The following LARP4B variants were observed in gnomAD, a reference collection of about 807,000 sequenced individuals.
LARP4B encodes the protein la-related protein 4B.
In LARP4B, 12 loss-of-function variants were observed where a neutral mutation model predicts 89.8. That is an observed-to-expected ratio of 0.13 (90% CI 0.09 to 0.22). LARP4B has a LOEUF of 0.22. LARP4B is among the 10% of genes least tolerant of loss of function. The probability of loss-of-function intolerance (pLI) is 1.00; values close to 1 mark genes in which losing one functional copy is unlikely to be tolerated. For synonymous variants in LARP4B, 367 were observed against 363.3 expected (o/e 1.01, Z -0.12); for missense variants, 757 against 947.7 (o/e 0.80, Z 2.64).
At chr10:863,208 C>T (rs563647595) in intron 5 of LARP4B, among the ~76,000 whole-genome samples, 2 of 151,508 alleles carry the variant, frequency 1.3e-5, no homozygotes, top group Non-Finnish European at 2.9e-5. Context: ...TGACACTTCG[C>T]ACTACTAAAT....
chr10:869,942 ATAATAATAAATT>A, intron 3 of LARP4B: 3 of 193,560 alleles, frequency 1.5e-5, no homozygotes, highest in Non-Finnish European at 2.7e-5. Context: ...AATAATAATA[ATAATAATAAATT>A]AAAATGTATA....
intron 17 of LARP4B, among the ~76,000 whole-genome samples, chr10:813,474 C>T (rs925401211): frequency 1.3e-5 from 2 of 152,352 alleles, no homozygotes; most frequent in African/African-American, 4.8e-5. Context: ...ACCATCCCTA[C>T]CCAGCCCTAT....
At chr10:826,898 TA>T (rs1182660075) in intron 11 of LARP4B, among the ~76,000 whole-genome samples, 1 of 152,226 alleles carries the variant, frequency 6.6e-6, no homozygotes, top group Admixed American at 6.5e-5. Flanking sequence ...AGGACTAAAA[TA>T]AAATCATACA....
intron 9 of LARP4B, among the ~76,000 whole-genome samples, 157 bp downstream of exon 9, chr10:830,706 ACACT>A (rs1409322542): frequency 6.6e-6 from 1 of 152,254 alleles, no homozygotes; most frequent in African/African-American, 2.4e-5. Context: ...CCATACAAAT[ACACT>A]CAAATATTTA....
At chr10:817,643 T>C (rs1408191530) in intron 15 of LARP4B, 82 bp downstream of exon 15, 6 of 1,336,218 alleles carry the variant, frequency 4.5e-6, no homozygotes, top group Non-Finnish European at 6.3e-6. Flanking sequence ...CAAACATGTA[T>C]AAAGAGCTCA....
intron 1 of LARP4B, among the ~76,000 whole-genome samples, chr10:926,990 T>C (rs1375171453): frequency 6.6e-6 from 1 of 150,654 alleles, no homozygotes; most frequent in Admixed American, 6.6e-5. Context: ...CAGTGAGCCG[T>C]GATCGTGCCA....
intron 1 of LARP4B, among the ~76,000 whole-genome samples, chr10:888,802 T>TA (rs1485876099): frequency 6.6e-6 from 1 of 152,174 alleles, no homozygotes; most frequent in Non-Finnish European, 1.5e-5. Context: ...GTAAGAATAT[T>TA]ACGGCAGGGC....
chr10:838,909 A>G (rs1833372493), intron 7 of LARP4B, among the ~76,000 whole-genome samples: 1 of 152,250 alleles, frequency 6.6e-6, no homozygotes, highest in South Asian at 2.1e-4. Context: ...GGACATCCAG[A>G]CAATGAACTA....
intron 5 of LARP4B, among the ~76,000 whole-genome samples, chr10:849,644 A>G (rs1157693620): frequency 6.6e-6 from 1 of 152,240 alleles, no homozygotes; most frequent in Non-Finnish European, 1.5e-5. Flanking sequence ...ACTTCCTTCC[A>G]AACAGTACAA....
At chr10:905,740 G>A (rs1398410337) in intron 1 of LARP4B, among the ~76,000 whole-genome samples, 1 of 151,712 alleles carries the variant, frequency 6.6e-6, no homozygotes, top group African/African-American at 2.4e-5. Context: ...GAATCAGCAG[G>A]ACTGGACGTC....
At chr10:914,719 G>A (rs532458943) in intron 1 of LARP4B, among the ~76,000 whole-genome samples, 40 of 148,216 alleles carry the variant, frequency 2.7e-4, no homozygotes, top group Non-Finnish European at 4.8e-4. Flanking sequence ...TGCTTGAACC[G>A]AGACCCGGGA....
intron 4 of LARP4B, 113 bp downstream of exon 4, chr10:864,010 C>CACATACCAT (rs1834762640): frequency 6.4e-7 from 1 of 1,555,038 alleles, no homozygotes; most frequent in Non-Finnish European, 8.7e-7. Context: ...CAAGCACTGC[C>CACATACCAT]ACATACCATG....
intron 1 of LARP4B, among the ~76,000 whole-genome samples, chr10:920,138 C>G (rs551681199): frequency 8.5e-5 from 13 of 152,310 alleles, no homozygotes; most frequent in African/African-American, 3.1e-4. Context: ...TATACCACAG[C>G]GGAGGGTGCG....
intron 8 of LARP4B, among the ~76,000 whole-genome samples, chr10:834,949 A>G (rs992294421): frequency 6.6e-6 from 1 of 151,870 alleles, no homozygotes; most frequent in African/African-American, 2.4e-5. Context: ...CTGAGGCAGG[A>G]GAAGCACTCG....
intron 1 of LARP4B, among the ~76,000 whole-genome samples, chr10:910,893 G>C (rs143471929): frequency 5.6e-4 from 86 of 152,290 alleles, no homozygotes; most frequent in Non-Finnish European, 1.1e-3. Flanking sequence ...GTGAGGGTCT[G>C]GTCCCCCGTA....
At chr10:869,362 G>A (rs71491324) in intron 3 of LARP4B, among the ~76,000 whole-genome samples, 1 of 152,136 alleles carries the variant, frequency 6.6e-6, no homozygotes, top group African/African-American at 2.4e-5. Context: ...CTGCGGCCAG[G>A]AAGACAGAAG....
chr10:812,302 T>C lies in LARP4B; in HGVS notation c.*624A>G, dbSNP rs1363004741. The C allele has an allele frequency of 1.3e-5, 2 of 152,808 alleles. No homozygotes were observed. The highest frequency in any genetic ancestry group is 2.9e-5 in the Non-Finnish European group (2 of 68,042). 9.5% of individuals were successfully genotyped at this position (152,808 alleles called of 1,614,324 possible). ...TGCAGTGCATCAGAACCAAGGTTTC[T>C]GGGGTGGCCCCTGCAGGTTCACTCC... On this transcript the variant is annotated 3_prime_UTR_variant, in exon 18 of 18. Coordinates refer to ENST00000316157, the MANE Select transcript of LARP4B (RefSeq NM_015155.3).
the LARP4B span, among the ~76,000 whole-genome samples, chr10:957,848 G>C: frequency 6.9e-6 from 1 of 145,372 alleles, no homozygotes; most frequent in Non-Finnish European, 1.5e-5. Context: ...CCAGGCTGGA[G>C]TGCAGTGGTG....
the LARP4B span, among the ~76,000 whole-genome samples, chr10:976,520 A>C: frequency 6.8e-6 from 1 of 147,076 alleles, no homozygotes; most frequent in Non-Finnish European, 1.5e-5. Flanking sequence ...CCTGTTGCGT[A>C]ATGTGCGGCC....
Sources: allele counts gnomAD v4.1 joint callset (sites outside exome capture counted in the v4.1 genomes callset), GRCh38; gene constraint gnomAD v4.1.1; transcripts MANE v1.5; gene names NCBI Gene and HGNC (gene_info 2026-07-23, HGNC 2026-07-21).